Variants in ARHGAP35 observed in about 807,000 individuals in gnomAD.
ARHGAP35 encodes Rho GTPase activating protein 35, also known as rho GTPase-activating protein 35.
Under a neutral mutation model 111.1 loss-of-function variants are expected in ARHGAP35, and 15 were observed. The observed-to-expected ratio is 0.13, with a 90% CI of 0.09 to 0.21. The LOEUF is 0.21. Ranked by LOEUF, ARHGAP35 falls within the 10% of genes least tolerant of loss-of-function variation. The pLI, the probability that ARHGAP35 is intolerant of heterozygous loss-of-function variation, is 1.00. For missense variants in ARHGAP35, 1,262 were observed against 1,873.0 expected, an observed-to-expected ratio of 0.67 and a Z score of 6.02; for synonymous variants, 643 against 710.3, an observed-to-expected ratio of 0.91 and a Z score of 1.51.
intron 3 of ARHGAP35, chr19:46,948,197 G>C (rs112289333): frequency 3.3e-5 from 5 of 152,298 alleles, no homozygotes; most frequent in Admixed American, 2.0e-4. Flanking sequence ...TGTGTTTCCC[G>C]ATACCTGCCC....
In ARHGAP35 at chr19:46,999,525, G is replaced by A; in HGVS notation, c.4142+116G>A. The A allele has an allele frequency of 2.8e-6, 2 of 718,258 alleles. No homozygotes were observed. The highest frequency in any genetic ancestry group is 2.3e-6 in the Non-Finnish European group (1 of 433,152). The allele number at this position is 718,258 out of a possible 1,614,324, so 44.5% of individuals were successfully genotyped here. On this transcript the variant is annotated intron_variant, in intron 6 of 6. Transcript: ENST00000672722. This position sits in a 1 kb window ranked among gnomAD's most constrained non-coding sequence, Gnocchi z 5.4. ...AGTAGAAGCCTCAGGCCCTGGCCTG[G>A]AAGGGGTGCTGGCTGGCCTCCCATG...
rs1399567220 is a variant in ARHGAP35 at position 46,945,422 on chromosome 19, C to T, written c.3826+8014C>T. On this transcript the variant is annotated intron_variant, in intron 3 of 6. Coordinates refer to ENST00000672722, the MANE Select transcript of ARHGAP35 (RefSeq NM_004491.5). The surrounding 1 kb of genome is among the most constrained non-coding windows in gnomAD (Gnocchi z 4.1). ...TTCAGTGTACCTCTCTGGAATGGGGCAAGAGGTTACTTTTAGAGCTGGCTC... is the reference window on the plus strand; with the variant it reads ...TTCAGTGTACCTCTCTGGAATGGGGTAAGAGGTTACTTTTAGAGCTGGCTC... 2.6e-5 allele frequency among the ~76,000 whole-genome samples: 4 copies of T among 152,046 alleles called. No homozygotes were observed. The highest frequency in any genetic ancestry group is 1.3e-4 in the Admixed American group (2 of 15,266).
intron 3 of ARHGAP35, among the ~76,000 whole-genome samples, chr19:46,976,762 G>C (rs147167602): frequency 6.6e-6 from 1 of 152,182 alleles, no homozygotes; most frequent in Non-Finnish European, 1.5e-5. Flanking sequence ...ACCCACTCTC[G>C]GCTGCAGGAC....
At chr19:46,893,293 C>G (rs1599802969) in intron 1 of ARHGAP35, among the ~76,000 whole-genome samples, 1 of 152,010 alleles carries the variant, frequency 6.6e-6, no homozygotes. Flanking sequence ...CACTTCTGGA[C>G]TGGAGTTAAC....
chr19:46,960,032 C>A (rs536976911), intron 3 of ARHGAP35, among the ~76,000 whole-genome samples: 1 of 148,580 alleles, frequency 6.7e-6, no homozygotes, highest in Non-Finnish European at 1.5e-5. Flanking sequence ...ATTGCTTGAT[C>A]CCAGGAATTC....
chr19:46,965,435 CA>C (rs1472051386), intron 3 of ARHGAP35, among the ~76,000 whole-genome samples: 1 of 151,926 alleles, frequency 6.6e-6, no homozygotes, highest in African/African-American at 2.4e-5. Flanking sequence ...TGGTAAAATT[CA>C]ACTTTTTCTC....
chr19:46,933,526 G>A (rs1036494908), intron 2 of ARHGAP35, among the ~76,000 whole-genome samples: 3 of 152,066 alleles, frequency 2.0e-5, no homozygotes, highest in East Asian at 1.9e-4. Flanking sequence ...ATTATAAGCC[G>A]TGGTGGTTAA....
intron 2 of ARHGAP35, among the ~76,000 whole-genome samples, chr19:46,923,375 A>G (rs1005228415): frequency 4.6e-5 from 7 of 151,950 alleles, no homozygotes; most frequent in Admixed American, 2.0e-4. Flanking sequence ...TGGTCTCCCA[A>G]AGTTTTGGGA....
chr19:46,958,552 C>T (rs1204692779), intron 3 of ARHGAP35, among the ~76,000 whole-genome samples: 2 of 152,120 alleles, frequency 1.3e-5, no homozygotes, highest in African/African-American at 2.4e-5. Flanking sequence ...GATGACACTG[C>T]GAGGCTTTTT....
intron 1 of ARHGAP35, among the ~76,000 whole-genome samples, chr19:46,915,989 G>A (rs1485063855): frequency 1.4e-5 from 2 of 144,220 alleles, no homozygotes; most frequent in East Asian, 4.1e-4. Context: ...AGGCTGGAGT[G>A]CAGTGGCGTG....
chr19:46,915,494 C>T (rs1430678726), intron 1 of ARHGAP35, among the ~76,000 whole-genome samples: 1 of 152,124 alleles, frequency 6.6e-6, no homozygotes. Flanking sequence ...TTGAGGTTAT[C>T]ATCACAGGGG....
intron 3 of ARHGAP35, chr19:46,948,292 C>T (rs1237937203): frequency 6.6e-6 from 1 of 152,206 alleles, no homozygotes; most frequent in Non-Finnish European, 1.5e-5. Flanking sequence ...AGACAAAAAC[C>T]TATGTATCAT....
intron 1 of ARHGAP35, among the ~76,000 whole-genome samples, chr19:46,885,848 A>G (rs1460524749): frequency 2.0e-5 from 3 of 151,740 alleles, no homozygotes; most frequent in Non-Finnish European, 2.9e-5. Context: ...CCCAGGCTGG[A>G]CTCGAATTCC....
chr19:46,937,415 G>C lies in ARHGAP35; in HGVS notation c.3826+7G>C. On this transcript the variant is annotated splice_region_variant and intron_variant, in intron 3 of 6. Transcript: ENST00000672722. ...GAGTACATTGAAGCCACAGGTAAGA[G>C]TATTACCTCATAGCAGTTTATAACT... The C allele has an allele frequency of 6.2e-7, 1 of 1,613,546 alleles. No homozygotes were observed. Among genetic ancestry groups the C allele is most frequent in the African/African-American group, 1.3e-5 (1 of 75,038 alleles).
chr19:46,977,815 T>C (rs1163930893), intron 3 of ARHGAP35, among the ~76,000 whole-genome samples: 1 of 152,152 alleles, frequency 6.6e-6, no homozygotes, highest in African/African-American at 2.4e-5. Context: ...TGTTCAGTTA[T>C]AAAATGGGAA....
intron 1 of ARHGAP35, among the ~76,000 whole-genome samples, chr19:46,916,011 T>A (rs2056161025): frequency 1.4e-5 from 2 of 148,140 alleles, no homozygotes; most frequent in African/African-American, 5.0e-5. Flanking sequence ...CTCGGCTCAC[T>A]GCAAGCTCCA....
chr19:47,000,348 A>G lies in ARHGAP35; in HGVS notation c.4160A>G (p.Lys1387Arg). The change falls in exon 7 of 7, where the codon AAG becomes AGG. Residue 1387 changes from lysine to arginine, a missense_variant. Around this residue, in one of 8 missense-constraint regions of ARHGAP35, gnomAD observed 50 missense variants for 60.5 expected, o/e 0.83. Coordinates refer to ENST00000672722, the MANE Select transcript of ARHGAP35 (RefSeq NM_004491.5). This position sits in a 1 kb window ranked among gnomAD's most constrained non-coding sequence, Gnocchi z 6.9. ...GCCCGCAGGGTCAGCCACAACAACA[A>G]GGTGAATCTCATGACCAGCGAGAAC... The part of the protein sequence containing the change: ...SHLNKVSHNN[K>R]VNLMTSENLS... 6.2e-7 allele frequency: 1 copy of G among 1,613,820 alleles called. No homozygotes were observed. Among genetic ancestry groups the G allele is most frequent in the South Asian group, 1.1e-5 (1 of 91,074 alleles).
chr19:46,990,354 C>G (rs2056673415), intron 5 of ARHGAP35, among the ~76,000 whole-genome samples: 1 of 152,256 alleles, frequency 6.6e-6, no homozygotes, highest in Non-Finnish European at 1.5e-5. Context: ...ATGGGCGAGC[C>G]TTCTCACTGG....
chr19:46,888,842 A>T (rs1175428000), intron 1 of ARHGAP35, among the ~76,000 whole-genome samples: 1 of 140,982 alleles, frequency 7.1e-6, no homozygotes, highest in African/African-American at 3.1e-5. Flanking sequence ...AAATACAAAA[A>T]AAAAAAAAAA....
Sources: gnomAD v4.1 joint callset for allele counts (sites outside exome capture counted in the v4.1 genomes callset) on GRCh38, gnomAD v4.1.1 for gene constraint, gnomAD v4.1.1 regional missense constraint, Gnocchi (gnomAD v3.1) non-coding constraint, MANE v1.5 for transcripts, NCBI Gene and HGNC (gene_info 2026-07-23, HGNC 2026-07-21) for gene names.